Variants in DTNB observed in about 807,000 individuals in gnomAD.
The protein encoded by DTNB is dystrobrevin beta.
Under a neutral mutation model 90.7 loss-of-function variants are expected in DTNB, and 63 were observed. That is an observed-to-expected ratio of 0.69 (90% confidence interval 0.57 to 0.86). The LOEUF is 0.86. Among genes scored for constraint, DTNB ranks in the 40% least tolerant of loss-of-function variants. The pLI is 0.00. For missense variants in DTNB, 744 were observed against 807.1 expected (o/e 0.92, Z 0.95); for synonymous variants, 277 against 286.7 (o/e 0.97, Z 0.34).
At chr2:25,413,902 T>C (rs1450688098) in intron 16 of DTNB, among the ~76,000 whole-genome samples, 1 of 152,234 alleles carries the variant, frequency 6.6e-6, no homozygotes, top group African/African-American at 2.4e-5. Context: ...ACCAACAGTG[T>C]AAAAGTGTTC....
intron 4 of DTNB, among the ~76,000 whole-genome samples, chr2:25,620,593 T>G (rs2072280535): frequency 2.6e-5 from 4 of 152,232 alleles, no homozygotes; most frequent in Admixed American, 2.6e-4. Flanking sequence ...CTGCATATTC[T>G]GAATTCAGAA....
chr2:25,465,444 T>C (rs927797614), intron 10 of DTNB, among the ~76,000 whole-genome samples: 5 of 152,136 alleles, frequency 3.3e-5, no homozygotes, highest in African/African-American at 1.2e-4. Flanking sequence ...GTACTACTTT[T>C]GCAACTTTTC....
chr2:25,666,987 C>G (rs1410997970), intron 1 of DTNB, among the ~76,000 whole-genome samples: 1 of 152,058 alleles, frequency 6.6e-6, no homozygotes, highest in Non-Finnish European at 1.5e-5. Context: ...GGACCATACT[C>G]TATGAGAGGA....
chr2:25,637,783 T>C (rs2077415188), intron 3 of DTNB, among the ~76,000 whole-genome samples: 1 of 152,156 alleles, frequency 6.6e-6, no homozygotes, highest in African/African-American at 2.4e-5. Context: ...AGTTCAACCA[T>C]TGTGGAAGAC....
At chr2:25,537,870 C>T (rs2150988221) in intron 8 of DTNB, among the ~76,000 whole-genome samples, 1 of 152,270 alleles carries the variant, frequency 6.6e-6, no homozygotes, top group Non-Finnish European at 1.5e-5. Context: ...CCCAGAGTCT[C>T]CTTCACTTCA....
At chr2:25,453,222 G>C (rs930069453) in intron 11 of DTNB, among the ~76,000 whole-genome samples, 5 of 152,154 alleles carry the variant, frequency 3.3e-5, no homozygotes, top group African/African-American at 1.2e-4. Context: ...TCCTTAGGAA[G>C]GTTGATCCTA....
chr2:25,388,426 G>A (rs985247539), intron 16 of DTNB, 65 bp from the exon 17 acceptor site: 33 of 1,522,052 alleles, frequency 2.2e-5, no homozygotes, highest in Non-Finnish European at 2.9e-5. Context: ...AAGGAAGAAA[G>A]TACTTTTTCT....
At chr2:25,656,354 C>A (rs1245356640) in intron 1 of DTNB, among the ~76,000 whole-genome samples, 2 of 152,114 alleles carry the variant, frequency 1.3e-5, no homozygotes, top group Non-Finnish European at 2.9e-5. Flanking sequence ...AGTTCCATAC[C>A]TAAGAAGGGT....
At chr2:25,399,824 G>A (rs750964892) in intron 16 of DTNB, among the ~76,000 whole-genome samples, 12 of 62,860 alleles carry the variant, frequency 1.9e-4, no homozygotes, top group Non-Finnish European at 3.2e-4. Context: ...ACTTGTCTGG[G>A]ATAAAAACTG....
At chr2:25,611,060 T>A (rs932960309) in intron 4 of DTNB, among the ~76,000 whole-genome samples, 1 of 152,210 alleles carries the variant, frequency 6.6e-6, no homozygotes, top group Non-Finnish European at 1.5e-5. Flanking sequence ...TTGGCAGCAA[T>A]TGAACTTCAT....
In DTNB at chr2:25,627,927, G is replaced by A. The variant is rs192656104; in HGVS notation, c.362+244C>T. Reference sequence around the variant, plus strand: ...AATTTTTTGTATTTTTAGTAGAGACGGGGTTTCACCGTGTTAGCCGGGATG... The same window carrying A: ...AATTTTTTGTATTTTTAGTAGAGACAGGGTTTCACCGTGTTAGCCGGGATG... On this transcript the variant is annotated intron_variant, in intron 4 of 20. Transcript: ENST00000406818. 1.3e-4 allele frequency among the ~76,000 whole-genome samples: 20 copies of A among 151,986 alleles called. No homozygotes were observed. In the East Asian group the frequency reaches 1.6e-3, roughly 12 times the overall value.
At chr2:25,577,473 G>C (rs1293381730) in intron 7 of DTNB, among the ~76,000 whole-genome samples, 1 of 146,690 alleles carries the variant, frequency 6.8e-6, no homozygotes. Flanking sequence ...TAGAACTAAA[G>C]AATCTAAATT....
chr2:25,621,070 T>A (rs1234538487), intron 4 of DTNB, among the ~76,000 whole-genome samples: 3 of 152,122 alleles, frequency 2.0e-5, no homozygotes, highest in Non-Finnish European at 2.9e-5. Flanking sequence ...GTGGAAAATC[T>A]TCCCACTCAG....
intron 16 of DTNB, among the ~76,000 whole-genome samples, chr2:25,391,183 A>G (rs1403619987): frequency 1.3e-5 from 2 of 152,204 alleles, no homozygotes; most frequent in Non-Finnish European, 2.9e-5. Context: ...GGTGTGAGCC[A>G]CCGCGCCTGG....
At chr2:25,433,391 C>T (rs1171581053) in intron 13 of DTNB, among the ~76,000 whole-genome samples, 1 of 152,168 alleles carries the variant, frequency 6.6e-6, no homozygotes, top group African/African-American at 2.4e-5. Context: ...CCTCTGTCCC[C>T]GATGCCCCAG....
intron 5 of DTNB, among the ~76,000 whole-genome samples, chr2:25,599,808 C>T (rs1178736983): frequency 6.6e-6 from 1 of 152,126 alleles, no homozygotes; most frequent in Non-Finnish European, 1.5e-5. Flanking sequence ...AAATAGCTGG[C>T]TGCTGGTCAG....
At chr2:25,604,438 A>C (rs2066627442) in intron 5 of DTNB, among the ~76,000 whole-genome samples, 2 of 145,002 alleles carry the variant, frequency 1.4e-5, no homozygotes, top group Non-Finnish European at 3.0e-5. Flanking sequence ...AGACAGTCTC[A>C]CTCCACTACC....
chr2:25,526,380 TATATATATATATATA>T (rs1317947472), intron 9 of DTNB, among the ~76,000 whole-genome samples: 11 of 52,224 alleles, frequency 2.1e-4, no homozygotes, highest in African/African-American at 1.3e-3. Context: ...TATATATATA[TATATATATATATATA>T]TTTTTTTTTT....
intron 8 of DTNB, among the ~76,000 whole-genome samples, chr2:25,572,196 G>A (rs1475551196): frequency 6.6e-6 from 1 of 152,112 alleles, no homozygotes; most frequent in African/African-American, 2.4e-5. Context: ...GGCCGGGCGC[G>A]GTGGCTCACG....
Sources: allele counts gnomAD v4.1 joint callset (sites outside exome capture counted in the v4.1 genomes callset), GRCh38; gene constraint gnomAD v4.1.1; transcripts MANE v1.5; gene names NCBI Gene and HGNC (gene_info 2026-07-23, HGNC 2026-07-21).